The following UVRAG variants were observed in gnomAD, a reference collection of about 807,000 sequenced individuals.
UVRAG encodes UV radiation resistance-associated gene protein.
Under a neutral mutation model 78.0 loss-of-function variants are expected in UVRAG, and 19 were observed. The ratio of observed to expected loss-of-function variants is 0.24; its 90% CI spans 0.17 to 0.36. UVRAG has a LOEUF of 0.36. UVRAG is among the 10% of genes least tolerant of loss of function. The probability of loss-of-function intolerance (pLI) is 1.00; values close to 1 mark genes in which losing one functional copy is unlikely to be tolerated. For synonymous variants in UVRAG, 323 were observed against 324.6 expected (o/e 1.00, Z 0.05); for missense variants, 740 against 853.8 (o/e 0.87, Z 1.66).
At chr11:75,831,299 C>G (rs1590909273) in intron 1 of UVRAG, among the ~76,000 whole-genome samples, 1 of 152,060 alleles carries the variant, frequency 6.6e-6, no homozygotes, top group South Asian at 2.1e-4. Flanking sequence ...CCATCCTGGT[C>G]AACATGGTGA....
intron 1 of UVRAG, among the ~76,000 whole-genome samples, chr11:75,824,188 G>A (rs768473084): frequency 3.8e-4 from 58 of 152,060 alleles, no homozygotes; most frequent in Non-Finnish European, 7.5e-4. Context: ...CTTGTAACTC[G>A]AAGAAAAAAT....
intron 4 of UVRAG, among the ~76,000 whole-genome samples, chr11:75,883,369 C>CAA (rs561377655): frequency 4.1e-5 from 2 of 48,286 alleles, no homozygotes; most frequent in Non-Finnish European, 1.0e-4. Flanking sequence ...TAACAGAGAA[C>CAA]AAAAAAAAAA....
At chr11:75,876,019 GAAAAAAAGAA>G (rs772597918) in intron 3 of UVRAG, among the ~76,000 whole-genome samples, 1 of 149,888 alleles carries the variant, frequency 6.7e-6, no homozygotes, top group Non-Finnish European at 1.5e-5. Flanking sequence ...ACCCCAAAAA[GAAAAAAAGAA>G]AAAGAATGTG....
Position 75,828,756 on chromosome 11 carries a change from T to C in UVRAG, c.117+13232T>C, listed in dbSNP as rs867771909. ...GTATATATATATATATACACACACA[T>C]ATATATATATATATATATACACACA... On this transcript the variant is annotated intron_variant, in intron 1 of 14. Transcript: ENST00000356136. Among the ~76,000 whole-genome samples the C allele has an allele frequency of 4.2e-3, 360 of 85,978 alleles. 4 individuals are homozygous for C. Among genetic ancestry groups the C allele is most frequent in the East Asian group, 9.3e-3 (21 of 2,268 alleles). 56.4% of individuals were successfully genotyped at this position (85,978 alleles called of 152,430 possible). A position where few individuals can be genotyped will look rare whatever the true frequency, so the allele number is the denominator to read the frequency against.
intron 1 of UVRAG, among the ~76,000 whole-genome samples, chr11:75,822,701 A>G (rs946459114): frequency 2.3e-4 from 34 of 150,974 alleles, no homozygotes; most frequent in Non-Finnish European, 4.4e-5. Flanking sequence ...ATTACACAGG[A>G]TACAGACGAG....
At chr11:75,851,811 A>T in intron 1 of UVRAG, 72 bp from the exon 2 acceptor site, 2 of 1,162,108 alleles carry the variant, frequency 1.7e-6, no homozygotes, top group Non-Finnish European at 2.5e-6. Flanking sequence ...TTCATTTTTG[A>T]ACTGCAACTT....
rs779469562 is a variant in UVRAG, at chr11:76,004,049, G to A, written c.871G>A (p.Glu291Lys). 3.7e-6 allele frequency: 6 copies of A among 1,613,898 alleles called. No homozygotes were observed. The highest frequency in any genetic ancestry group is 1.7e-5 in the Admixed American group (1 of 59,996). The change falls in exon 9 of 15, where the codon GAA becomes AAA. Residue 291 changes from glutamate (E) to lysine (K), a missense_variant. Transcript: ENST00000356136. ...AEHLKLQLQKESLNELRKECT... is the reference protein window; with the variant it reads ...AEHLKLQLQKKSLNELRKECT... ...GCACCTCAAACTTCAACTCCAGAAG[G>A]AATCCCTAAATGAGCTGAGGAAGGA...
At chr11:75,837,326 C>CAAAAAA (rs753820781) in intron 1 of UVRAG, among the ~76,000 whole-genome samples, 4 of 64,458 alleles carry the variant, frequency 6.2e-5, no homozygotes, top group African/African-American at 2.0e-4. Flanking sequence ...GACTCTGTCT[C>CAAAAAA]AAAAAAAAAA....
At position 75,888,923 on chromosome 11, in the gene UVRAG, G is replaced by A. The variant is rs1947154160; in HGVS notation, c.507+20G>A. The A allele has an allele frequency of 6.2e-7, 1 of 1,606,468 alleles. No homozygotes were observed. ...CATAAGGTAAGAAGATCCTTCTAAT[G>A]TTATGAATTTTGTTTAGTGCAGGTG... On this transcript the variant is annotated intron_variant, in intron 5 of 14. Transcript: ENST00000356136.
chr11:75,964,176 GTATTT>G (rs1948966417), intron 7 of UVRAG, among the ~76,000 whole-genome samples: 1 of 152,198 alleles, frequency 6.6e-6, no homozygotes, highest in Non-Finnish European at 1.5e-5. Context: ...TTGTGCATAT[GTATTT>G]ATAAAGAATA....
chr11:76,134,421 G>A (rs1048686654), intron 14 of UVRAG, among the ~76,000 whole-genome samples: 9 of 152,010 alleles, frequency 5.9e-5, no homozygotes, highest in Non-Finnish European at 1.2e-4. Flanking sequence ...AAGCCACCAC[G>A]CCTGGCACTG....
chr11:76,012,220 A>C (rs191759349), intron 11 of UVRAG, among the ~76,000 whole-genome samples: 111 of 152,150 alleles, frequency 7.3e-4, no homozygotes, highest in African/African-American at 2.6e-3. Flanking sequence ...TAAATATGAT[A>C]ACATGGAACA....
chr11:75,824,396 T>C (rs990800371), intron 1 of UVRAG, among the ~76,000 whole-genome samples: 2 of 151,762 alleles, frequency 1.3e-5, no homozygotes, highest in Non-Finnish European at 2.9e-5. Context: ...AAAATGAGTT[T>C]TTTTTTTTTT....
chr11:75,815,754 G>A (rs2135793122), intron 1 of UVRAG, among the ~76,000 whole-genome samples: 1 of 152,288 alleles, frequency 6.6e-6, no homozygotes, highest in East Asian at 1.9e-4. Context: ...AGATGGGCTT[G>A]TTAAGGGACA....
intron 7 of UVRAG, among the ~76,000 whole-genome samples, chr11:75,966,659 TG>T (rs1949030133): frequency 6.6e-6 from 1 of 152,230 alleles, no homozygotes; most frequent in Non-Finnish European, 1.5e-5. Flanking sequence ...CTTCATATAT[TG>T]GGTAATACTG....
intron 14 of UVRAG, among the ~76,000 whole-genome samples, chr11:76,127,406 C>G (rs1313331026): frequency 2.0e-5 from 3 of 152,154 alleles, no homozygotes; most frequent in African/African-American, 7.2e-5. Flanking sequence ...GTAATCCCAG[C>G]ACTTTGGGAG....
chr11:76,072,488 C>T (rs1370052661), intron 13 of UVRAG, among the ~76,000 whole-genome samples: 1 of 152,096 alleles, frequency 6.6e-6, no homozygotes, highest in East Asian at 1.9e-4. Flanking sequence ...TGCCACTTAT[C>T]CCAAATTGCC....
At chr11:75,873,768 C>T (rs932774683) in intron 3 of UVRAG, among the ~76,000 whole-genome samples, 7 of 152,178 alleles carry the variant, frequency 4.6e-5, no homozygotes, top group African/African-American at 7.2e-5. Flanking sequence ...CGGTATAGTG[C>T]TCAGCATGTA....
At chr11:75,978,156 G>T (rs542268249) in intron 7 of UVRAG, among the ~76,000 whole-genome samples, 1 of 152,196 alleles carries the variant, frequency 6.6e-6, no homozygotes, top group Non-Finnish European at 1.5e-5. Flanking sequence ...ATGAAATTCC[G>T]GGTCGAAAAT....
Sources: gnomAD v4.1 joint callset for allele counts (sites outside exome capture counted in the v4.1 genomes callset) on GRCh38, gnomAD v4.1.1 for gene constraint, MANE v1.5 for transcripts, NCBI Gene and HGNC (gene_info 2026-07-23, HGNC 2026-07-21) for gene names.